CHID1: variants seen among roughly 807,000 people sequenced by gnomAD.
CHID1 encodes chitinase domain-containing protein 1.
CHID1 carries 44 observed loss-of-function variants against 55.4 expected under a neutral mutation model. That is an observed-to-expected ratio of 0.79 (90% CI 0.62 to 1.02). The LOEUF (loss-of-function observed/expected upper bound fraction) is 1.02, where lower values mean the gene tolerates loss of function less well. Among genes scored for constraint, CHID1 ranks in the 50% least tolerant of loss-of-function variants. The pLI is 0.00. For missense variants in CHID1, 491 were observed against 515.3 expected, an observed-to-expected ratio of 0.95 and a Z score of 0.46; for synonymous variants, 216 against 212.9, an observed-to-expected ratio of 1.01 and a Z score of -0.13.
chr11:890,497 G>A (rs1431779979), intron 8 of CHID1, among the ~76,000 whole-genome samples: 5 of 152,210 alleles, frequency 3.3e-5, no homozygotes, highest in East Asian at 3.8e-4. Context: ...CAACAAGGCC[G>A]GCAACGGCGC....
At chr11:907,204 G>A (rs915321713) in intron 1 of CHID1, among the ~76,000 whole-genome samples, 14 of 152,204 alleles carry the variant, frequency 9.2e-5, no homozygotes, top group South Asian at 2.1e-4. Context: ...CTTTCCGGCC[G>A]GGCGCGGTGG....
intron 1 of CHID1, 141 bp downstream of exon 1, chr11:910,634 C>A (rs1322296543): frequency 7.9e-7 from 1 of 1,266,300 alleles, no homozygotes; most frequent in East Asian, 7.1e-5. Flanking sequence ...TGCTCTCTCT[C>A]ACGCACCCGC....
At chr11:882,968 TG>T in intron 10 of CHID1, 179 bp downstream of exon 10, 1 of 621,032 alleles carries the variant, frequency 1.6e-6, no homozygotes, top group Non-Finnish European at 2.8e-6. Flanking sequence ...GTGACCACAG[TG>T]GGGGCTGCGG....
intron 1 of CHID1, among the ~76,000 whole-genome samples, chr11:906,187 G>GC (rs574568279): frequency 0.028 from 4,208 of 150,478 alleles, 84 homozygotes; most frequent in Non-Finnish European, 0.04. Flanking sequence ...GCCCACCTCG[G>GC]CCCCCCCAAA....
intron 10 of CHID1, among the ~76,000 whole-genome samples, chr11:871,710 G>A (rs1261236926): frequency 6.6e-6 from 1 of 152,248 alleles, no homozygotes; most frequent in African/African-American, 2.4e-5. Context: ...AGGACAGGCA[G>A]TAGGCAACTG....
chr11:904,392 CA>C (rs1236390212), intron 2 of CHID1, among the ~76,000 whole-genome samples: 2 of 152,196 alleles, frequency 1.3e-5, no homozygotes, highest in African/African-American at 2.4e-5. Context: ...GATGAAGATG[CA>C]GGTGATATAA....
At chr11:910,825 C>T, upstream of CHID1, 2 of 1,097,204 alleles carry the variant, frequency 1.8e-6, no homozygotes, top group Non-Finnish European at 2.2e-6. Context: ...GGAAAACGCT[C>T]CAGCGCGCCG....
rs116378868 is a variant in CHID1, at chr11:875,619, G to A, written c.960-5120C>T. The stretch of plus-strand genomic sequence containing the variant: ...GGCTGGGGTTGCTGAAACTCTTAGC[G>A]CCACATGAGGCCGAGGGAGTCAAGT... On this transcript the variant is annotated intron_variant, in intron 10 of 12. Transcript: ENST00000323578. This position sits in a 1 kb window ranked among gnomAD's most constrained non-coding sequence, Gnocchi z 4.7. 2.4e-3 allele frequency among the ~76,000 whole-genome samples: 359 copies of A among 152,244 alleles called. No homozygotes were observed. The highest frequency in any genetic ancestry group is 8.2e-3 in the African/African-American group (341 of 41,542).
chr11:880,171 C>T (rs980335930), intron 10 of CHID1, among the ~76,000 whole-genome samples: 3 of 152,258 alleles, frequency 2.0e-5, no homozygotes, highest in Non-Finnish European at 4.4e-5. Context: ...CCTGGGGCAT[C>T]GCCCTCGCCT....
chr11:880,573 G>T (rs545823555), intron 10 of CHID1, among the ~76,000 whole-genome samples: 1 of 152,112 alleles, frequency 6.6e-6, no homozygotes, highest in Non-Finnish European at 1.5e-5. Context: ...CCTGGAGGCC[G>T]GGCAGGGAAC....
At chr11:878,723 A>G (rs1162789224) in intron 10 of CHID1, among the ~76,000 whole-genome samples, 1 of 151,656 alleles carries the variant, frequency 6.6e-6, no homozygotes, top group African/African-American at 2.4e-5. Flanking sequence ...TTAATTTGAG[A>G]CAGAGTCTCG....
chr11:876,551 A>T (rs972039942), intron 10 of CHID1, among the ~76,000 whole-genome samples: 8 of 152,186 alleles, frequency 5.3e-5, no homozygotes, highest in Middle Eastern at 3.2e-3. Flanking sequence ...TACCCAGGGA[A>T]GACACTGGTG....
chr11:871,620 G>GC (rs940071102), intron 10 of CHID1, among the ~76,000 whole-genome samples: 3 of 152,260 alleles, frequency 2.0e-5, no homozygotes, highest in African/African-American at 7.2e-5. Context: ...TGAGGACAGT[G>GC]CCCCCCACGT....
intron 8 of CHID1, among the ~76,000 whole-genome samples, chr11:884,600 C>T (rs1346288225): frequency 6.6e-6 from 1 of 152,218 alleles, no homozygotes; most frequent in African/African-American, 2.4e-5. Flanking sequence ...GCAGAAGCAG[C>T]TCCTGGGATG....
Position 870,413 on chromosome 11 carries a change from A to G in CHID1, c.1040+6T>C, listed in dbSNP as rs1352251256. The G allele has an allele frequency of 3.1e-6, 5 of 1,606,980 alleles. No homozygotes were observed. Among genetic ancestry groups the G allele is most frequent in the Non-Finnish European group, 3.4e-6 (4 of 1,175,684 alleles). On this transcript the variant is annotated splice_donor_region_variant and intron_variant, in intron 11 of 12. Coordinates refer to ENST00000323578, the MANE Select transcript of CHID1 (RefSeq NM_023947.4). ...CAAGGTGGGCCACGCACTTCAAAAC[A>G]CTCACTTCTTGTACTCGAAGAAGTG...
chr11:899,810 C>T (rs1851667205), intron 6 of CHID1, among the ~76,000 whole-genome samples, 194 bp downstream of exon 6: 1 of 152,232 alleles, frequency 6.6e-6, no homozygotes, highest in Non-Finnish European at 1.5e-5. Context: ...CTCCAGAGGA[C>T]CCATGGTCAA....
intron 4 of CHID1, 198 bp downstream of exon 4, chr11:902,000 A>T: frequency 1.6e-6 from 1 of 628,838 alleles, no homozygotes; most frequent in Non-Finnish European, 2.8e-6. Flanking sequence ...CAACACACTC[A>T]CAATCTCTTC....
intron 10 of CHID1, chr11:882,183 G>A (rs1850010172): frequency 6.6e-6 from 1 of 152,174 alleles, no homozygotes; most frequent in Non-Finnish European, 1.5e-5. Context: ...AAATTAGCAG[G>A]GCGCGGTGGC....
chr11:911,540 C>T (rs1307470473), upstream of CHID1: 2 of 152,156 alleles, frequency 1.3e-5, no homozygotes, highest in Non-Finnish European at 2.9e-5. Context: ...ACCGCACGGC[C>T]GGGCCCCACC....
Sources: allele counts gnomAD v4.1 joint callset (sites outside exome capture counted in the v4.1 genomes callset), GRCh38; gene constraint gnomAD v4.1.1; non-coding constraint Gnocchi (gnomAD v3.1); transcripts MANE v1.5; gene names NCBI Gene and HGNC (gene_info 2026-07-23, HGNC 2026-07-21).